The following LAMA2 variants were observed in gnomAD, a reference collection of about 807,000 sequenced individuals.
LAMA2 encodes laminin subunit alpha-2.
In LAMA2, 269 loss-of-function variants were observed where a neutral mutation model predicts 364.8. The ratio of observed to expected loss-of-function variants is 0.74; its 90% CI spans 0.67 to 0.82. The LOEUF is 0.82. Among genes scored for constraint, LAMA2 ranks in the 40% least tolerant of loss-of-function variants. The probability of loss-of-function intolerance (pLI) is 0.00; values close to 1 mark genes in which losing one functional copy is unlikely to be tolerated. For synonymous variants in LAMA2, 1,379 were observed against 1,370.6 expected, an observed-to-expected ratio of 1.01 and a Z score of -0.14; for missense variants, 3,807 against 3,873.2, an observed-to-expected ratio of 0.98 and a Z score of 0.45.
chr6:129,175,853 T>C (rs1471113927), intron 9 of LAMA2, among the ~76,000 whole-genome samples: 1 of 152,144 alleles, frequency 6.6e-6, no homozygotes, highest in Non-Finnish European at 1.5e-5. Flanking sequence ...TAAAAAAAAT[T>C]AACTATCATT....
chr6:129,383,969 G>T (rs540060641), intron 35 of LAMA2, among the ~76,000 whole-genome samples: 114 of 152,176 alleles, frequency 7.5e-4, no homozygotes, highest in African/African-American at 2.2e-3. Context: ...TTCTTGCTCT[G>T]CAATATTATG....
chr6:128,905,791 C>A (rs182720824), intron 1 of LAMA2, among the ~76,000 whole-genome samples: 17,804 of 151,236 alleles, frequency 0.12, 1,243 homozygotes, highest in African/African-American at 0.19. Context: ...CCACTCCCCC[C>A]ACCCCACAAC....
At chr6:129,157,923 G>A (rs1263997515) in intron 8 of LAMA2, 8 of 1,614,062 alleles carry the variant, frequency 5.0e-6, no homozygotes, top group Non-Finnish European at 6.8e-6. Context: ...GCCCACCCTG[G>A]TATTCAAGGG....
chr6:128,903,558 A>G (rs1199843449), intron 1 of LAMA2, among the ~76,000 whole-genome samples: 1 of 152,146 alleles, frequency 6.6e-6, no homozygotes, highest in Admixed American at 6.6e-5. Flanking sequence ...GATACAACTT[A>G]TGGATTATAA....
intron 37 of LAMA2, among the ~76,000 whole-genome samples, chr6:129,393,810 C>T (rs1470521034): frequency 4.6e-5 from 7 of 152,322 alleles, no homozygotes; most frequent in African/African-American, 1.7e-4. Context: ...TGACAAATAG[C>T]TCAATGAATT....
At chr6:129,500,861 T>C (rs954704559) in intron 58 of LAMA2, among the ~76,000 whole-genome samples, 3 of 152,228 alleles carry the variant, frequency 2.0e-5, no homozygotes, top group Non-Finnish European at 4.4e-5. Flanking sequence ...AGAAGTTATA[T>C]TGACATTTAC....
At chr6:128,974,861 T>C (rs900659373) in intron 1 of LAMA2, among the ~76,000 whole-genome samples, 5 of 151,868 alleles carry the variant, frequency 3.3e-5, no homozygotes, top group Non-Finnish European at 7.4e-5. Context: ...CAATTTTTTT[T>C]TTTTTTTTGA....
chr6:129,343,966 T>C (rs1191512969), intron 30 of LAMA2, among the ~76,000 whole-genome samples: 1 of 152,176 alleles, frequency 6.6e-6, no homozygotes, highest in Non-Finnish European at 1.5e-5. Flanking sequence ...TAACAGAATT[T>C]GGAACATGGC....
intron 56 of LAMA2, chr6:129,490,903 CTT>C (rs1784827362): frequency 6.6e-6 from 1 of 152,140 alleles, no homozygotes; most frequent in Non-Finnish European, 1.5e-5. Flanking sequence ...TTTTTTGTCC[CTT>C]TCTCTTACTT....
chr6:129,059,065 A>G (rs1365974281), intron 2 of LAMA2, among the ~76,000 whole-genome samples: 1 of 152,174 alleles, frequency 6.6e-6, no homozygotes, highest in African/African-American at 2.4e-5. Flanking sequence ...AAATTAATGA[A>G]AACTTAAGCA....
At chr6:129,349,995 T>C (rs1407190268) in intron 31 of LAMA2, among the ~76,000 whole-genome samples, 1 of 152,206 alleles carries the variant, frequency 6.6e-6, no homozygotes, top group Non-Finnish European at 1.5e-5. Flanking sequence ...AGCTGTTAAA[T>C]TGAATTCTCA....
chr6:129,164,799 A>G (rs1458807817), intron 8 of LAMA2, among the ~76,000 whole-genome samples: 1 of 152,298 alleles, frequency 6.6e-6, no homozygotes, highest in East Asian at 1.9e-4. Flanking sequence ...TGGGAAGGGT[A>G]TTGTTATGCA....
intron 32 of LAMA2, 40 bp downstream of exon 32, chr6:129,353,397 A>T: frequency 6.7e-7 from 1 of 1,496,012 alleles, no homozygotes; most frequent in Non-Finnish European, 9.3e-7. Flanking sequence ...GGAGGCCTTG[A>T]TTCCAGTTCT....
chr6:129,061,781 C>T (rs1031257614), intron 3 of LAMA2, among the ~76,000 whole-genome samples: 1 of 152,188 alleles, frequency 6.6e-6, no homozygotes, highest in Admixed American at 6.5e-5. Context: ...TAACCCAGGT[C>T]TACCTGACTC....
chr6:128,992,511 G>C (rs1383605936), intron 1 of LAMA2, among the ~76,000 whole-genome samples: 1 of 152,128 alleles, frequency 6.6e-6, no homozygotes, highest in Non-Finnish European at 1.5e-5. Flanking sequence ...ACTAGAAATG[G>C]TTTGCAAATG....
At chr6:129,350,024 A>G (rs1475282115) in intron 31 of LAMA2, among the ~76,000 whole-genome samples, 1 of 152,214 alleles carries the variant, frequency 6.6e-6, no homozygotes, top group African/African-American at 2.4e-5. Flanking sequence ...CAAATGGTAA[A>G]TTAAGGAGTA....
chr6:128,964,633 A>C (rs868293122), intron 1 of LAMA2, among the ~76,000 whole-genome samples: 3 of 152,188 alleles, frequency 2.0e-5, no homozygotes, highest in Middle Eastern at 6.8e-3. Flanking sequence ...TTATAGCCTA[A>C]ATGTTGTTTC....
rs189251729 is a variant in LAMA2, at chr6:129,327,902, C to T, written c.4177-376C>T. The stretch of plus-strand genomic sequence containing the variant: ...GTTTCATTGGACATTTGCTAGTTAT[C>T]CATCAAGCACAGTAAAAGCAGATTT... On this transcript the variant is annotated intron_variant, in intron 28 of 64. Transcript: ENST00000421865. Among the ~76,000 whole-genome samples, 224 of 152,152 alleles carry T rather than the reference C, an allele frequency of 1.5e-3. 1 individual carries two copies. The highest frequency in any genetic ancestry group is 5.1e-3 in the African/African-American group (213 of 41,518).
chr6:129,084,029 A>T (rs1197765191), intron 3 of LAMA2, among the ~76,000 whole-genome samples: 1 of 152,236 alleles, frequency 6.6e-6, no homozygotes. Flanking sequence ...CCTAAGTTAA[A>T]GGCCGGCACA....
Sources: gnomAD v4.1 joint callset for allele counts (sites outside exome capture counted in the v4.1 genomes callset) on GRCh38, gnomAD v4.1.1 for gene constraint, MANE v1.5 for transcripts, NCBI Gene and HGNC (gene_info 2026-07-23, HGNC 2026-07-21) for gene names.